DGKB: variants seen among roughly 807,000 people sequenced by gnomAD.
The protein encoded by DGKB is 90 kDa diacylglycerol kinase.
Under a neutral mutation model 114.3 loss-of-function variants are expected in DGKB, and 67 were observed. That is an observed-to-expected ratio of 0.59 (90% CI 0.48 to 0.72). DGKB has a LOEUF of 0.72. Ranked by LOEUF, DGKB falls within the 30% of genes least tolerant of loss-of-function variation. The pLI, the probability that DGKB is intolerant of heterozygous loss-of-function variation, is 0.00. For synonymous variants in DGKB, 398 were observed against 323.1 expected, an observed-to-expected ratio of 1.23 and a Z score of -2.49; for missense variants, 907 against 975.2, an observed-to-expected ratio of 0.93 and a Z score of 0.93.
intron 21 of DGKB, among the ~76,000 whole-genome samples, chr7:14,459,421 G>A (rs532315420): frequency 9.9e-5 from 15 of 152,122 alleles, no homozygotes; most frequent in Non-Finnish European, 1.8e-4. Flanking sequence ...ACCTGATGGA[G>A]CTGAAAAACA....
chr7:14,345,219 C>T (rs1812285997), intron 22 of DGKB, 82 bp downstream of exon 22: 6 of 739,666 alleles, frequency 8.1e-6, no homozygotes, highest in Non-Finnish European at 8.8e-6. Flanking sequence ...TATTTCATTC[C>T]ATGGGCTCCA....
Position 14,828,261 on chromosome 7 carries a change from C to T in DGKB, c.70+12933G>A, listed in dbSNP as rs374929269. ...ATATAGCCTAGTGCCAAGCTCTGCC[C>T]GACAACATAAATCTCTCCAAGATGT... On this transcript the variant is annotated intron_variant, in intron 2 of 25. Transcript: ENST00000402815. Among the ~76,000 whole-genome samples the T allele has an allele frequency of 2.0e-4, 30 of 152,074 alleles. 1 individual carries two copies. In the East Asian group the frequency reaches 3.9e-3, roughly 20 times the overall value.
intron 20 of DGKB, among the ~76,000 whole-genome samples, chr7:14,534,955 G>T (rs1425337269): frequency 2.0e-5 from 3 of 151,872 alleles, no homozygotes; most frequent in Non-Finnish European, 4.4e-5. Flanking sequence ...GGTGAGAAAA[G>T]AAATCAAAAA....
At chr7:14,520,136 A>G (rs958499441) in intron 20 of DGKB, among the ~76,000 whole-genome samples, 1 of 150,690 alleles carries the variant, frequency 6.6e-6, no homozygotes, top group African/African-American at 2.4e-5. Context: ...GACACAAAAG[A>G]TTTCCTCATA....
intron 2 of DGKB, among the ~76,000 whole-genome samples, chr7:14,772,658 T>C (rs989622128): frequency 1.3e-5 from 2 of 152,174 alleles, no homozygotes; most frequent in Non-Finnish European, 2.9e-5. Context: ...CTATCATCTG[T>C]TACACTGACA....
intron 1 of DGKB, among the ~76,000 whole-genome samples, chr7:14,931,343 C>T (rs759212493): frequency 6.6e-5 from 10 of 152,200 alleles, no homozygotes; most frequent in Admixed American, 6.5e-4. Context: ...AACTCCTGAC[C>T]TCGTGATCCA....
intron 23 of DGKB, among the ~76,000 whole-genome samples, chr7:14,238,877 A>C (rs1793226825): frequency 1.3e-5 from 2 of 149,946 alleles, no homozygotes; most frequent in African/African-American, 4.9e-5. Context: ...GGGGTCTTAC[A>C]TTTTTAAAAA....
At chr7:14,272,252 A>G (rs1405442661) in intron 23 of DGKB, among the ~76,000 whole-genome samples, 1 of 152,212 alleles carries the variant, frequency 6.6e-6, no homozygotes, top group East Asian at 1.9e-4. Context: ...AATATAAAAC[A>G]TGTAAAATCT....
At chr7:14,609,804 A>G (rs909371909) in intron 16 of DGKB, among the ~76,000 whole-genome samples, 1 of 152,114 alleles carries the variant, frequency 6.6e-6, no homozygotes, top group Non-Finnish European at 1.5e-5. Context: ...GGAAATGCAA[A>G]TTAAAACCAC....
chr7:14,688,821 AT>A (rs1822181224), intron 9 of DGKB, among the ~76,000 whole-genome samples: 1 of 66,938 alleles, frequency 1.5e-5, no homozygotes, highest in African/African-American at 7.4e-5. Context: ...TTTTCCATAA[AT>A]AAAAATCATT....
intron 23 of DGKB, among the ~76,000 whole-genome samples, chr7:14,181,452 G>A (rs751496789): frequency 1.3e-5 from 2 of 152,198 alleles, no homozygotes; most frequent in Non-Finnish European, 1.5e-5. Context: ...CACCACACTT[G>A]TGTACTATGA....
intron 21 of DGKB, among the ~76,000 whole-genome samples, chr7:14,411,465 A>G (rs1824868819): frequency 6.6e-6 from 1 of 152,192 alleles, no homozygotes; most frequent in African/African-American, 2.4e-5. Context: ...TCTCTGGAGA[A>G]TGTCTGACAA....
chr7:14,619,927 G>A (rs1418867106), intron 15 of DGKB, among the ~76,000 whole-genome samples: 3 of 151,580 alleles, frequency 2.0e-5, no homozygotes, highest in African/African-American at 7.2e-5. Context: ...CTAGTCATGT[G>A]AAATACAATT....
intron 23 of DGKB, among the ~76,000 whole-genome samples, chr7:14,270,382 G>A (rs1487365845): frequency 1.3e-5 from 2 of 152,104 alleles, no homozygotes; most frequent in East Asian, 1.9e-4. Context: ...ATACCTTGTT[G>A]TTAGCTTCTA....
intron 17 of DGKB, among the ~76,000 whole-genome samples, chr7:14,601,006 T>C (rs561917484): frequency 2.2e-4 from 33 of 152,298 alleles, no homozygotes; most frequent in Non-Finnish European, 4.3e-4. Flanking sequence ...CTGAACCATG[T>C]AGCAGTTCTC....
intron 21 of DGKB, among the ~76,000 whole-genome samples, chr7:14,474,767 T>C (rs1297918304): frequency 1.3e-5 from 2 of 152,032 alleles, no homozygotes; most frequent in African/African-American, 4.8e-5. Flanking sequence ...TTTATATAAA[T>C]ATTTTAAATA....
chr7:14,205,945 G>A (rs1786730509), intron 23 of DGKB, among the ~76,000 whole-genome samples: 1 of 151,932 alleles, frequency 6.6e-6, no homozygotes, highest in Admixed American at 6.6e-5. Context: ...TGATTGACAG[G>A]TAGATAGAAG....
At chr7:14,537,944 G>A (rs1469220423) in intron 20 of DGKB, among the ~76,000 whole-genome samples, 1 of 152,060 alleles carries the variant, frequency 6.6e-6, no homozygotes, top group African/African-American at 2.4e-5. Flanking sequence ...GCCAGGCGTG[G>A]CGGCGCATGC....
intron 23 of DGKB, among the ~76,000 whole-genome samples, chr7:14,318,108 T>C (rs2128524019): frequency 1.2e-5 from 1 of 81,564 alleles, no homozygotes. Context: ...ACTGGATCCC[T>C]TCCTTACACC....
Sources: gnomAD v4.1 joint callset for allele counts (sites outside exome capture counted in the v4.1 genomes callset) on GRCh38, gnomAD v4.1.1 for gene constraint, MANE v1.5 for transcripts, NCBI Gene and HGNC (gene_info 2026-07-23, HGNC 2026-07-21) for gene names.